The following SLC12A2 variants were observed in gnomAD, a reference collection of about 807,000 sequenced individuals.
The protein encoded by SLC12A2 is solute carrier family 12 member 2, also known as Na-K-2Cl cotransporter 1.
Under a neutral mutation model 136.3 loss-of-function variants are expected in SLC12A2, and 67 were observed. The ratio of observed to expected loss-of-function variants is 0.49; its 90% CI spans 0.40 to 0.60. SLC12A2 has a LOEUF of 0.60. SLC12A2 is among the 20% of genes least tolerant of loss of function. The pLI is 0.00. For synonymous variants in SLC12A2, 619 were observed against 562.9 expected (o/e 1.10, Z -1.41); for missense variants, 1,322 against 1,534.7 (o/e 0.86, Z 2.32).
chr5:128,110,159 G>GA, intron 1 of SLC12A2: 2 of 839,008 alleles, frequency 2.4e-6, no homozygotes, highest in Non-Finnish European at 4.2e-6. Flanking sequence ...CTAGAAAGGT[G>GA]AAGATGCCAG....
rs564326509 is a variant in SLC12A2, at chr5:128,162,986, G to A, written c.2616+1186G>A. 2.0e-5 allele frequency among the ~76,000 whole-genome samples: 3 copies of A among 152,086 alleles called. No individual in the cohort carries two copies. In the East Asian group the frequency reaches 5.8e-4, roughly 29 times the overall value. ...CTGATCAGCTATCATTAGTGTTAGT[G>A]TATTCTGTGTGTGGCTCAAGACAAT... On this transcript the variant is annotated intron_variant, in intron 17 of 26. Transcript: ENST00000262461.
chr5:128,187,803 G>T lies in SLC12A2; in HGVS notation c.*1172G>T, dbSNP rs578062954. The T allele has an allele frequency of 1.3e-5, 2 of 152,654 alleles. No homozygotes were observed. Among genetic ancestry groups the T allele is most frequent in the East Asian group, 1.9e-4 (1 of 5,186 alleles). The allele number at this position is 152,654 out of a possible 1,614,324, so 9.5% of individuals were successfully genotyped here. On this transcript the variant is annotated 3_prime_UTR_variant, in exon 27 of 27. Transcript: ENST00000262461. ...TTTTGTTAAGAAAAACTGCCAGTTTGTGCTTTTGAAATGTCTGTTTTGACA... is the reference window on the plus strand; with the variant it reads ...TTTTGTTAAGAAAAACTGCCAGTTTTTGCTTTTGAAATGTCTGTTTTGACA...
At chr5:128,087,159 C>T (rs1015722183) in intron 1 of SLC12A2, among the ~76,000 whole-genome samples, 5 of 152,192 alleles carry the variant, frequency 3.3e-5, no homozygotes, top group African/African-American at 1.2e-4. Flanking sequence ...AGATGTCCAA[C>T]TGTAGGGGAA....
intron 4 of SLC12A2, among the ~76,000 whole-genome samples, chr5:128,129,638 AT>A (rs1172876398): frequency 6.6e-6 from 1 of 152,090 alleles, no homozygotes; most frequent in Non-Finnish European, 1.5e-5. Context: ...TAACTGTAGA[AT>A]TTTTTTGTTG....
At position 128,109,863 on chromosome 5, in the gene SLC12A2, TAA is replaced by T. The variant is rs575888633; in HGVS notation, c.757-2948_757-2947del. 146 of 788,928 alleles carry T rather than the reference TAA, an allele frequency of 1.9e-4. 1 individual carries two copies. Among genetic ancestry groups the T allele is most frequent in the African/African-American group, 1.2e-3 (73 of 59,364 alleles). 48.9% of individuals were successfully genotyped at this position (788,928 alleles called of 1,614,324 possible). ...GATGTGGCCAAATCCCCATGTATTT[TAA>T]AAGAGCCAGTGTGCCATGAGAATTG... On this transcript the variant is annotated intron_variant, in intron 1 of 26. Coordinates refer to ENST00000262461, the MANE Select transcript of SLC12A2 (RefSeq NM_001046.3).
intron 1 of SLC12A2, among the ~76,000 whole-genome samples, chr5:128,092,350 A>G (rs1760361454): frequency 6.6e-6 from 1 of 152,182 alleles, no homozygotes. Context: ...CTGCAATTCA[A>G]GAATTGGGCT....
chr5:128,122,766 A>AT (rs1329027907), intron 4 of SLC12A2, among the ~76,000 whole-genome samples: 2 of 152,054 alleles, frequency 1.3e-5, no homozygotes, highest in African/African-American at 4.8e-5. Flanking sequence ...TGATTGTCAA[A>AT]TTTTTTTGTT....
chr5:128,085,133 G>A (rs1359933864), intron 1 of SLC12A2, among the ~76,000 whole-genome samples: 2 of 152,008 alleles, frequency 1.3e-5, no homozygotes, highest in Non-Finnish European at 2.9e-5. Context: ...TGTGGCTTAT[G>A]TACGCCTATT....
At chr5:128,117,868 G>A (rs933596969) in intron 4 of SLC12A2, among the ~76,000 whole-genome samples, 1 of 151,950 alleles carries the variant, frequency 6.6e-6, no homozygotes, top group African/African-American at 2.4e-5. Context: ...ACTCAAATCA[G>A]CAAGAAAATA....
chr5:128,086,367 AG>A (rs1760100356), intron 1 of SLC12A2, among the ~76,000 whole-genome samples: 1 of 152,160 alleles, frequency 6.6e-6, no homozygotes, highest in Non-Finnish European at 1.5e-5. Flanking sequence ...CTGTACTGTT[AG>A]TTGTATGGTA....
chr5:128,140,748 G>T (rs1762338612), intron 9 of SLC12A2, among the ~76,000 whole-genome samples: 1 of 151,860 alleles, frequency 6.6e-6, no homozygotes. Context: ...CAAAGCACAT[G>T]AAAGTATAGT....
At chr5:128,130,268 CAT>C (rs1355717414) in intron 4 of SLC12A2, among the ~76,000 whole-genome samples, 2 of 151,990 alleles carry the variant, frequency 1.3e-5, no homozygotes, top group South Asian at 2.1e-4. Flanking sequence ...AAAAATCAGT[CAT>C]GTGTGTAATC....
chr5:128,175,416 T>A (rs921317225), intron 20 of SLC12A2, among the ~76,000 whole-genome samples: 3 of 152,092 alleles, frequency 2.0e-5, no homozygotes, highest in Non-Finnish European at 2.9e-5. Flanking sequence ...TAATTTATTT[T>A]GTTTTTCCTC....
In SLC12A2 at chr5:128,171,727, A is replaced by G; in HGVS notation, c.2784A>G (p.Ile928Met). 1 of 1,581,700 alleles carries G rather than the reference A, an allele frequency of 6.3e-7. No homozygotes were observed. Among genetic ancestry groups the G allele is most frequent in the Non-Finnish European group, 8.6e-7 (1 of 1,167,568 alleles). Residue 928 changes from isoleucine (I) to methionine (M), a missense_variant, in exon 19 of 27, where the codon ATA (isoleucine) becomes ATG (methionine). Physicochemically the swap from Ile to Met is conservative, Grantham distance 10 (BLOSUM62 1). Coordinates refer to ENST00000262461, the MANE Select transcript of SLC12A2 (RefSeq NM_001046.3). ...VVIRLKEGLD[I>M]SHLQGQEELL... is the part of the protein sequence containing the mutation. Reference sequence around the variant, plus strand: ...TTCGCCTAAAAGAAGGTCTGGATATATCTCATCTTCAAGGACAAGGTAAAT... The same window carrying G: ...TTCGCCTAAAAGAAGGTCTGGATATGTCTCATCTTCAAGGACAAGGTAAAT...
At position 128,130,945 on chromosome 5, in the gene SLC12A2, C is replaced by T. The variant is rs1004121272; in HGVS notation, c.1049-122C>T. On this transcript the variant is annotated intron_variant, in intron 4 of 26. Transcript: ENST00000262461. ...TGAAAATACAGTCACTCACTTGCCT[C>T]TTTAACTGCTCTGCTTATTGGGGGC... 8 of 846,626 alleles carry T rather than the reference C, an allele frequency of 9.4e-6. No individual in the cohort carries two copies. In the Admixed American group the frequency reaches 1.2e-4, roughly 13 times the overall value. 52.4% of individuals were successfully genotyped at this position (846,626 alleles called of 1,614,324 possible). A position where few individuals can be genotyped will look rare whatever the true frequency, so the allele number is the denominator to read the frequency against.
chr5:128,102,773 T>TGGCTAAC (rs1423459309), intron 1 of SLC12A2, among the ~76,000 whole-genome samples: 1 of 151,202 alleles, frequency 6.6e-6, no homozygotes, highest in Non-Finnish European at 1.5e-5. Flanking sequence ...CCACCATGCC[T>TGGCTAAC]GGCTAACTTT....
intron 9 of SLC12A2, 83 bp downstream of exon 9, chr5:128,138,991 A>G (rs1408225476): frequency 1.1e-6 from 1 of 918,150 alleles, no homozygotes; most frequent in Non-Finnish European, 1.7e-6. Flanking sequence ...GACATTTGCT[A>G]ACTTTTTTAA....
intron 4 of SLC12A2, among the ~76,000 whole-genome samples, chr5:128,116,394 AAT>A (rs60538639): frequency 0.6 from 86,347 of 144,008 alleles, 27,395 homozygotes; most frequent in South Asian, 0.73. Flanking sequence ...TGTATATATA[AAT>A]ATATATATAT....
chr5:128,133,673 T>C (rs989614190), intron 5 of SLC12A2, among the ~76,000 whole-genome samples: 2 of 152,088 alleles, frequency 1.3e-5, no homozygotes, highest in Admixed American at 1.3e-4. Context: ...GGGAATCTTT[T>C]AAAAATGCCA....
Sources: gnomAD v4.1 joint callset for allele counts (sites outside exome capture counted in the v4.1 genomes callset) on GRCh38, gnomAD v4.1.1 for gene constraint, MANE v1.5 for transcripts, NCBI Gene and HGNC (gene_info 2026-07-23, HGNC 2026-07-21) for gene names.